ANKRD28: variants seen among roughly 807,000 people sequenced by gnomAD.
The protein encoded by ANKRD28 is ankyrin repeat domain 28.
ANKRD28 carries 44 observed loss-of-function variants against 126.5 expected under a neutral mutation model. That is an observed-to-expected ratio of 0.35 (90% CI 0.27 to 0.45). The LOEUF is 0.45. ANKRD28 is among the 20% of genes least tolerant of loss of function. ANKRD28 has a pLI of 1.00. For synonymous variants in ANKRD28, 442 were observed against 468.5 expected (o/e 0.94, Z 0.73); for missense variants, 1,110 against 1,316.6 (o/e 0.84, Z 2.43).
Position 15,689,830 on chromosome 3 carries a change from A to C in ANKRD28, c.1963+189T>G, listed in dbSNP as rs369597442. Reference sequence around the variant, plus strand: ...ACTGGGATACTCCTAATGTTTATGAATGACGGAGGCTTTGTAAATTCATTT... The same window carrying C: ...ACTGGGATACTCCTAATGTTTATGACTGACGGAGGCTTTGTAAATTCATTT... On this transcript the variant is annotated intron_variant, in intron 18 of 27. Coordinates refer to ENST00000683139, the MANE Select transcript of ANKRD28 (RefSeq NM_001349278.2). 8 of 579,816 alleles carry C rather than the reference A, an allele frequency of 1.4e-5. No individual in the cohort carries two copies. In the East Asian group the frequency reaches 2.3e-4, roughly 17 times the overall value. The allele number at this position is 579,816 out of a possible 1,614,324, so 35.9% of individuals were successfully genotyped here.
intron 4 of ANKRD28, among the ~76,000 whole-genome samples, chr3:15,749,348 A>G (rs1157857684): frequency 3.3e-5 from 5 of 151,048 alleles, no homozygotes; most frequent in African/African-American, 1.2e-4. Context: ...TCCTGACCTC[A>G]TGATCCACCC....
In ANKRD28 at chr3:15,745,462, GA is replaced by G. The variant is rs1293706228; in HGVS notation, c.351+6287del. 8.5e-5 allele frequency among the ~76,000 whole-genome samples: 13 copies of G among 152,260 alleles called. No homozygotes were observed. The East Asian group carries it at 2.5e-3, about 29-fold the overall frequency. On this transcript the variant is annotated intron_variant, in intron 4 of 27. Transcript: ENST00000683139. The stretch of plus-strand genomic sequence containing the variant: ...GCCAATTATCCCAGCCTCATTTGTT[GA>G]ACAGGGTGTCCTTTCCCCACTGTTT...
rs1395156838 is a variant in ANKRD28 at position 15,797,764 on chromosome 3, T to C, written c.-1243A>G. 18 of 985,328 alleles carry C rather than the reference T, an allele frequency of 1.8e-5. No homozygotes were observed. The African/African-American group carries it at 2.3e-4, about 12-fold the overall frequency. 61.0% of individuals were successfully genotyped at this position (985,328 alleles called of 1,614,324 possible). A position where few individuals can be genotyped will look rare whatever the true frequency, so the allele number is the denominator to read the frequency against. On this transcript the variant is annotated 5_prime_UTR_variant, in exon 1 of 28. Coordinates refer to ENST00000683139, the MANE Select transcript of ANKRD28 (RefSeq NM_001349278.2). ...TCCACTGTGAAAACCGCCACAGTTA[T>C]CCTTTTCAGATTTCAAATGCTTTCC...
intron 14 of ANKRD28, among the ~76,000 whole-genome samples, chr3:15,700,883 A>T (rs1015268892): frequency 1.3e-5 from 2 of 152,228 alleles, no homozygotes; most frequent in Non-Finnish European, 2.9e-5. Context: ...CATAAAAGTG[A>T]AATAGCCTCT....
Position 15,670,089 on chromosome 3 carries a change from A to C in ANKRD28, c.*181T>G, listed in dbSNP as rs2066199513. 1.6e-6 allele frequency: 1 copy of C among 613,224 alleles called. No individual in the cohort carries two copies. Among genetic ancestry groups the C allele is most frequent in the Non-Finnish European group, 2.8e-6 (1 of 358,378 alleles). 38.0% of individuals were successfully genotyped at this position (613,224 alleles called of 1,614,324 possible). A position where few individuals can be genotyped will look rare whatever the true frequency, so the allele number is the denominator to read the frequency against. On this transcript the variant is annotated 3_prime_UTR_variant, in exon 28 of 28. Coordinates refer to ENST00000683139, the MANE Select transcript of ANKRD28 (RefSeq NM_001349278.2). ...GTCAGGTCTATTTCAAGATTCTAGA[A>C]GTTCCTTTTGTAAAACTTGCCTTTA...
intron 6 of ANKRD28, among the ~76,000 whole-genome samples, chr3:15,726,786 T>C (rs2455845): frequency 0.72 from 109,781 of 152,152 alleles, 39,817 homozygotes; most frequent in East Asian, 0.93. Context: ...AAATCTATGC[T>C]TGCCATCAAA....
At chr3:15,707,869 A>G (rs1261638167) in intron 14 of ANKRD28, 55 bp downstream of exon 14, 18 of 1,570,230 alleles carry the variant, frequency 1.1e-5, no homozygotes, top group Non-Finnish European at 8.7e-7. Context: ...ATCCATATGG[A>G]AGATGCCAGT....
At position 15,830,172 on chromosome 3, in the gene ANKRD28, G is replaced by C. The variant is rs774615296; in HGVS notation, c.27+29205C>G. Among the ~76,000 whole-genome samples, 3 of 152,144 alleles carry C rather than the reference G, an allele frequency of 2.0e-5. No individual in the cohort carries two copies. Among genetic ancestry groups the C allele is most frequent in the Non-Finnish European group, 2.9e-5 (2 of 68,026 alleles). ...TTGATTCCTAATACATCAGCAGTAA[G>C]TACTATTACTTTTGTACCATTAATG... On this transcript the variant is annotated intron_variant, in intron 1 of 27. Transcript: ENST00000399451. The surrounding 1 kb of genome is among the most constrained non-coding windows in gnomAD (Gnocchi z 4.5).
At chr3:15,703,727 A>T (rs1164536014) in intron 14 of ANKRD28, among the ~76,000 whole-genome samples, 1 of 152,256 alleles carries the variant, frequency 6.6e-6, no homozygotes, top group Non-Finnish European at 1.5e-5. Flanking sequence ...GATGTTGCTG[A>T]AACAAATATC....
intron 6 of ANKRD28, among the ~76,000 whole-genome samples, chr3:15,725,448 C>T (rs1050373093): frequency 6.6e-6 from 1 of 152,138 alleles, no homozygotes; most frequent in Admixed American, 6.6e-5. Flanking sequence ...CTAAAGTTAG[C>T]TTTTCATTTC....
At chr3:15,731,135 C>G (rs1430093157) in intron 6 of ANKRD28, among the ~76,000 whole-genome samples, 1 of 152,144 alleles carries the variant, frequency 6.6e-6, no homozygotes, top group Non-Finnish European at 1.5e-5. Flanking sequence ...TGGTGAGGTC[C>G]AGGAAACACA....
intron 9 of ANKRD28, among the ~76,000 whole-genome samples, 180 bp downstream of exon 9, chr3:15,714,398 A>C (rs2072728952): frequency 6.6e-6 from 1 of 152,076 alleles, no homozygotes; most frequent in South Asian, 2.1e-4. Context: ...AGTATGAAAG[A>C]TACAGCTACG....
At chr3:15,820,648 C>T (rs1228035474) in intron 1 of ANKRD28, among the ~76,000 whole-genome samples, 1 of 152,042 alleles carries the variant, frequency 6.6e-6, no homozygotes, top group Non-Finnish European at 1.5e-5. Context: ...AATTTTGCTT[C>T]AAAATACTCC....
chr3:15,683,168 T>C (rs926347201), intron 21 of ANKRD28, among the ~76,000 whole-genome samples: 2 of 152,158 alleles, frequency 1.3e-5, no homozygotes, highest in African/African-American at 4.8e-5. Context: ...GTGTGATTTT[T>C]CCAATGGTTA....
chr3:15,832,385 C>T (rs1425629478), intron 1 of ANKRD28, among the ~76,000 whole-genome samples: 2 of 152,204 alleles, frequency 1.3e-5, no homozygotes, highest in Non-Finnish European at 2.9e-5. Flanking sequence ...TCTCCCTACT[C>T]TTTGGGAATC....
chr3:15,835,333 A>G lies in ANKRD28; in HGVS notation c.27+24044T>C, dbSNP rs116728922. On this transcript the variant is annotated intron_variant, in intron 1 of 27. Transcript: ENST00000399451. ...TATCATGGTTCCCATTCTACAAACT[A>G]TATCGCATTCTGCCACAAATAGGCA... 4.3e-3 allele frequency among the ~76,000 whole-genome samples: 654 copies of G among 152,318 alleles called. 5 individuals are homozygous for G. The highest frequency in any genetic ancestry group is 0.021 in the East Asian group (109 of 5,192).
chr3:15,840,720 C>T (rs1356076277), intron 1 of ANKRD28, among the ~76,000 whole-genome samples: 1 of 152,158 alleles, frequency 6.6e-6, no homozygotes, highest in African/African-American at 2.4e-5. Flanking sequence ...CAATAGAGAA[C>T]CCAGGGATAA....
intron 3 of ANKRD28, among the ~76,000 whole-genome samples, chr3:15,756,882 A>C (rs1356932711): frequency 6.6e-6 from 1 of 152,160 alleles, no homozygotes; most frequent in Non-Finnish European, 1.5e-5. Flanking sequence ...ATTTTCTCCT[A>C]ATCTAATTGG....
intron 14 of ANKRD28, among the ~76,000 whole-genome samples, chr3:15,705,318 C>T (rs75796722): frequency 0.025 from 3,778 of 152,076 alleles, 160 homozygotes; most frequent in African/African-American, 0.085. Context: ...TATGTTATTC[C>T]TTTGTGGTTT....
Sources: gnomAD v4.1 joint callset for allele counts (sites outside exome capture counted in the v4.1 genomes callset) on GRCh38, gnomAD v4.1.1 for gene constraint, Gnocchi (gnomAD v3.1) non-coding constraint, MANE v1.5 for transcripts, NCBI Gene and HGNC (gene_info 2026-07-23, HGNC 2026-07-21) for gene names.